The following JHY variants were observed in gnomAD, a reference collection of about 807,000 sequenced individuals.
JHY encodes junctional cadherin complex regulator, also known as jhy protein homolog.
A neutral mutation model predicts 78.0 loss-of-function variants in JHY; 69 were observed. The ratio of observed to expected loss-of-function variants is 0.88; its 90% confidence interval spans 0.73 to 1.08. JHY has a LOEUF of 1.08. Ranked by LOEUF, JHY falls within the 50% of genes least tolerant of loss-of-function variation. The probability of loss-of-function intolerance (pLI) is 0.00; values close to 1 mark genes in which losing one functional copy is unlikely to be tolerated. For synonymous variants in JHY, 368 were observed against 342.6 expected, an observed-to-expected ratio of 1.07 and a Z score of -0.82; for missense variants, 944 against 927.8, an observed-to-expected ratio of 1.02 and a Z score of -0.23.
At chr11:122,927,292 C>T (rs540101917) in intron 4 of JHY, 1 of 152,266 alleles carries the variant, frequency 6.6e-6, no homozygotes, top group Admixed American at 6.5e-5. Flanking sequence ...CAAAAGAATG[C>T]TTTTTATTCC....
At chr11:122,915,164 C>G (rs1326049774) in intron 3 of JHY, among the ~76,000 whole-genome samples, 2 of 152,128 alleles carry the variant, frequency 1.3e-5, no homozygotes, top group Non-Finnish European at 2.9e-5. Context: ...CCTGATAATT[C>G]TATGCTGACT....
chr11:122,934,706 A>G lies in JHY; in HGVS notation c.1265A>G (p.Asn422Ser), dbSNP rs201888967. ...ESIVIMHASNNDVQASRALRS... is the reference protein window; with the variant it reads ...ESIVIMHASNSDVQASRALRS... ...ATTGTGATTATGCATGCCTCTAACA[A>G]TGATGTACAAGCCTCAAGGGCACTT... is the stretch of plus-strand genomic sequence containing the variant. The change falls in exon 5 of 9, where the codon AAT becomes AGT. Residue 422 changes from asparagine to serine, a missense_variant. Coordinates refer to ENST00000227349, the MANE Select transcript of JHY (RefSeq NM_024806.4). 3.1e-6 allele frequency: 5 copies of G among 1,614,154 alleles called. No homozygotes were observed. The highest frequency in any genetic ancestry group is 4.2e-6 in the Non-Finnish European group (5 of 1,180,024).
intron 2 of JHY, among the ~76,000 whole-genome samples, chr11:122,895,501 G>A (rs1862721232): frequency 6.6e-6 from 1 of 152,160 alleles, no homozygotes; most frequent in South Asian, 2.1e-4. Context: ...TTCATTAAAT[G>A]GAGACTTTAT....
chr11:122,959,373 G>A lies in JHY; in HGVS notation c.2265G>A (p.Leu755=). 1 of 1,614,112 alleles carries A rather than the reference G, an allele frequency of 6.2e-7. No individual in the cohort carries two copies. Among genetic ancestry groups the A allele is most frequent in the East Asian group, 2.2e-5 (1 of 44,862 alleles). The part of the protein sequence containing the change: ...KEESLPEISL[L]EILQNRHERE... ...AAAGTTTACCTGAAATCTCACTGCT[G>A]GAAATACTGCAGAACAGACACGAAA... Residue 755 remains leucine (L), a synonymous_variant, in exon 9 of 9, where the codon CTG becomes CTA. Coordinates refer to ENST00000227349, the MANE Select transcript of JHY (RefSeq NM_024806.4).
intron 4 of JHY, 99 bp from the exon 5 acceptor site, chr11:122,934,321 T>TAAAC (rs1381848513): frequency 3.4e-4 from 151 of 443,872 alleles, no homozygotes; most frequent in African/African-American, 3.2e-3. Context: ...CTCAAATAAA[T>TAAAC]AAATAAATAA....
chr11:122,885,205 C>T (rs1235279511), intron 1 of JHY, among the ~76,000 whole-genome samples: 3 of 152,130 alleles, frequency 2.0e-5, no homozygotes, highest in Non-Finnish European at 4.4e-5. Flanking sequence ...ACCTGGCTAT[C>T]AGAAAGTCTT....
chr11:122,937,351 A>G (rs1863779120), intron 5 of JHY, among the ~76,000 whole-genome samples: 1 of 150,074 alleles, frequency 6.7e-6, no homozygotes, highest in Non-Finnish European at 1.5e-5. Flanking sequence ...GTAGCCTTTT[A>G]GTATAAGTTT....
At chr11:122,937,663 C>T (rs1299352913) in intron 5 of JHY, among the ~76,000 whole-genome samples, 3 of 152,096 alleles carry the variant, frequency 2.0e-5, no homozygotes, top group East Asian at 3.9e-4. Flanking sequence ...TTTCTGACTG[C>T]GTTCCGCTGT....
chr11:122,938,061 TTTTC>T (rs1271218278), intron 5 of JHY, among the ~76,000 whole-genome samples: 3 of 152,104 alleles, frequency 2.0e-5, no homozygotes, highest in Non-Finnish European at 2.9e-5. Flanking sequence ...CTTTAGGATC[TTTTC>T]TTTTTCTCTA....
rs139788166 is a variant in JHY, at chr11:122,959,260, G to T, written c.2152G>T (p.Ala718Ser). The change falls in exon 9 of 9, where the codon GCT (alanine) becomes TCT (serine). Residue 718 changes from alanine to serine, a missense_variant. By Grantham distance (99) the Ala-to-Ser change is moderately conservative. Coordinates refer to ENST00000227349, the MANE Select transcript of JHY (RefSeq NM_024806.4). ...AIPRQKALEYAKTIPKPKPSN... is the reference protein window; with the variant it reads ...AIPRQKALEYSKTIPKPKPSN... ...TTTATGCGTTTAGGCTTTGGAATAC[G>T]CTAAGACCATCCCCAAACCCAAACC... The T allele has an allele frequency of 3.0e-5, 48 of 1,613,912 alleles. No individual in the cohort carries two copies. The African/African-American group carries it at 6.0e-4, about 20-fold the overall frequency.
chr11:122,915,493 G>A (rs921654843), intron 3 of JHY, among the ~76,000 whole-genome samples: 1 of 152,032 alleles, frequency 6.6e-6, no homozygotes, highest in African/African-American at 2.4e-5. Context: ...AAATGAAAAA[G>A]GGTATTTTTT....
chr11:122,950,789 G>C (rs779859860), intron 6 of JHY, among the ~76,000 whole-genome samples: 1 of 152,216 alleles, frequency 6.6e-6, no homozygotes, highest in Non-Finnish European at 1.5e-5. Context: ...TCCGACGACA[G>C]TGTGTGTCAC....
At chr11:122,897,367 G>A (rs1389565880) in intron 2 of JHY, among the ~76,000 whole-genome samples, 1 of 152,234 alleles carries the variant, frequency 6.6e-6, no homozygotes, top group Non-Finnish European at 1.5e-5. Flanking sequence ...GGGACTACAG[G>A]CACATGCCAC....
chr11:122,889,307 G>A (rs756374298), intron 2 of JHY, among the ~76,000 whole-genome samples: 9 of 130,198 alleles, frequency 6.9e-5, no homozygotes, highest in South Asian at 5.6e-4. Flanking sequence ...GGTATCCTTC[G>A]ATAGAGTTGG....
rs762475992 is a variant in JHY, at chr11:122,904,217, C to G, written c.637C>G (p.Leu213Val). 8.7e-6 allele frequency: 14 copies of G among 1,614,174 alleles called. No homozygotes were observed. The highest frequency in any genetic ancestry group is 1.2e-5 in the Non-Finnish European group (14 of 1,180,038). ...CCGTCGCAGCAAGCCGTTTTCAGAG[C>G]TGAGCGACAGTGACCTGGAGGAGAA... Reference protein sequence around the residue: ...GARRSKPFSELSDSDLEEKSS... With the variant: ...GARRSKPFSEVSDSDLEEKSS... Residue 213 changes from leucine (L) to valine (V), a missense_variant, in exon 3 of 9, where the codon CTG becomes GTG. Coordinates refer to ENST00000227349, the MANE Select transcript of JHY (RefSeq NM_024806.4).
chr11:122,935,322 C>A lies in JHY; in HGVS notation c.1634+247C>A, dbSNP rs1467080379. ...CCATCTTGGCTCATTGCAACCTCCG[C>A]CTCCCGAGCTCAAGCAATTCTCCTG... is the stretch of plus-strand genomic sequence containing the variant. On this transcript the variant is annotated intron_variant, in intron 5 of 8. Transcript: ENST00000227349. This position sits in a 1 kb window ranked among gnomAD's most constrained non-coding sequence, Gnocchi z 4.5. Among the ~76,000 whole-genome samples, 1 of 151,902 alleles carries A rather than the reference C, an allele frequency of 6.6e-6. No individual in the cohort carries two copies. The highest frequency in any genetic ancestry group is 1.9e-4 in the East Asian group (1 of 5,180).
intron 8 of JHY, chr11:122,958,585 C>A: frequency 3.1e-6 from 1 of 318,210 alleles, no homozygotes; most frequent in Non-Finnish European, 4.5e-6. Context: ...AGCATACAAT[C>A]CATTTGTATT....
chr11:122,942,366 A>G (rs535189433), intron 5 of JHY, among the ~76,000 whole-genome samples: 1 of 151,762 alleles, frequency 6.6e-6, no homozygotes, highest in African/African-American at 2.4e-5. Flanking sequence ...GTTCTCATAT[A>G]TTTACTTCTT....
At chr11:122,919,755 G>A (rs1402335442) in intron 3 of JHY, among the ~76,000 whole-genome samples, 5 of 152,112 alleles carry the variant, frequency 3.3e-5, no homozygotes, top group African/African-American at 1.2e-4. Context: ...GAGGTGGGCG[G>A]ATCACCTGAG....
Sources: gnomAD v4.1 joint callset for allele counts (sites outside exome capture counted in the v4.1 genomes callset) on GRCh38, gnomAD v4.1.1 for gene constraint, Gnocchi (gnomAD v3.1) non-coding constraint, MANE v1.5 for transcripts, NCBI Gene and HGNC (gene_info 2026-07-23, HGNC 2026-07-21) for gene names.